Variants in ZNF618 observed in about 807,000 individuals in gnomAD.
The protein encoded by ZNF618 is zinc finger protein 618, also known as neural precursor cell expressed, developmentally down-regulated 10.
A neutral mutation model predicts 103.0 loss-of-function variants in ZNF618; 34 were observed. That is an observed-to-expected ratio of 0.33 (90% CI 0.25 to 0.44). The LOEUF (loss-of-function observed/expected upper bound fraction) is 0.44. ZNF618 is among the 20% of genes least tolerant of loss of function. ZNF618 has a pLI of 1.00. For synonymous variants in ZNF618, 551 were observed against 542.2 expected (o/e 1.02, Z -0.23); for missense variants, 1,059 against 1,295.4 (o/e 0.82, Z 2.80).
intron 1 of ZNF618, among the ~76,000 whole-genome samples, chr9:113,930,371 A>G (rs1006437294): frequency 6.6e-6 from 1 of 152,210 alleles, no homozygotes; most frequent in South Asian, 2.1e-4. Context: ...CAGTTCTACT[A>G]CTTGAATTCC....
At chr9:114,033,262 T>A (rs1844258961) in intron 12 of ZNF618, among the ~76,000 whole-genome samples, 1 of 152,102 alleles carries the variant, frequency 6.6e-6, no homozygotes, top group South Asian at 2.1e-4. Flanking sequence ...ATACAGTAGC[T>A]GTAGTCCCAG....
intron 4 of ZNF618, among the ~76,000 whole-genome samples, chr9:114,000,555 G>A (rs141738263): frequency 4.7e-5 from 7 of 149,088 alleles, no homozygotes; most frequent in Admixed American, 4.0e-4. Context: ...TCTTCTTCCA[G>A]TGTGACCCAG....
chr9:113,919,252 C>T (rs1274792146), intron 1 of ZNF618, among the ~76,000 whole-genome samples: 3 of 152,108 alleles, frequency 2.0e-5, no homozygotes, highest in South Asian at 2.1e-4. Flanking sequence ...ACAGCAGCCG[C>T]GGCAGGGAGA....
At chr9:113,929,924 A>G (rs1238908494) in intron 1 of ZNF618, among the ~76,000 whole-genome samples, 1 of 152,250 alleles carries the variant, frequency 6.6e-6, no homozygotes, top group East Asian at 1.9e-4. Context: ...ATCACATGAC[A>G]TTGTATGAAT....
At chr9:114,036,495 C>T (rs937339180) in intron 13 of ZNF618, 118 bp downstream of exon 13, 4 of 1,084,804 alleles carry the variant, frequency 3.7e-6, no homozygotes, top group Middle Eastern at 2.1e-4. Flanking sequence ...AAAATGGTCA[C>T]AGGACATGGA....
intron 1 of ZNF618, among the ~76,000 whole-genome samples, chr9:113,960,794 G>C (rs814693): frequency 0.06 from 9,166 of 152,268 alleles, 371 homozygotes; most frequent in African/African-American, 0.12. Flanking sequence ...TGCAGCAAAT[G>C]AAAAGGGGAA....
Position 114,016,797 on chromosome 9 carries a change from T to C in ZNF618, c.844+13T>C, listed in dbSNP as rs745461050. ...CACGCCCCCATCAGTGAGTACCTCC[T>C]CCCGGTAGGGATGGGGGTTGGGGGA... On this transcript the variant is annotated intron_variant, in intron 10 of 14. Transcript: ENST00000374126. 9.3e-6 allele frequency: 15 copies of C among 1,604,658 alleles called. No individual in the cohort carries two copies. The East Asian group carries it at 2.9e-4, about 31-fold the overall frequency.
chr9:113,939,876 G>A (rs1834395017), intron 1 of ZNF618, among the ~76,000 whole-genome samples: 1 of 151,980 alleles, frequency 6.6e-6, no homozygotes, highest in Admixed American at 6.6e-5. Context: ...ATGGTAGGAG[G>A]TGGGATTAGC....
chr9:113,919,532 G>C (rs1832447492), intron 1 of ZNF618, among the ~76,000 whole-genome samples: 1 of 152,362 alleles, frequency 6.6e-6, no homozygotes, highest in African/African-American at 2.4e-5. Context: ...GTGCTGGCAG[G>C]CTGTTATGCC....
At chr9:113,883,186 T>C (rs1828694627) in intron 1 of ZNF618, among the ~76,000 whole-genome samples, 1 of 152,204 alleles carries the variant, frequency 6.6e-6, no homozygotes, top group South Asian at 2.1e-4. Flanking sequence ...AATGTTTTAT[T>C]AGGGAGCCCG....
intron 2 of ZNF618, among the ~76,000 whole-genome samples, chr9:113,985,367 TGGCCAGCA>T (rs1839370952): frequency 6.6e-6 from 1 of 152,224 alleles, no homozygotes; most frequent in African/African-American, 2.4e-5. Flanking sequence ...CTTTTCTTGT[TGGCCAGCA>T]GTAGGAATCA....
intron 1 of ZNF618, among the ~76,000 whole-genome samples, chr9:113,936,213 G>T (rs933847038): frequency 3.3e-5 from 5 of 152,126 alleles, no homozygotes; most frequent in African/African-American, 1.2e-4. Context: ...GACAGACCTG[G>T]GTCCAAAACC....
chr9:113,986,452 A>G (rs964963072), intron 2 of ZNF618, among the ~76,000 whole-genome samples: 11 of 152,136 alleles, frequency 7.2e-5, no homozygotes, highest in African/African-American at 2.7e-4. Context: ...ACAGAAATGT[A>G]TTTTCTCACA....
At position 113,952,613 on chromosome 9, in the gene ZNF618, G is replaced by A. The variant is rs565679734; in HGVS notation, c.34-16504G>A. Among the ~76,000 whole-genome samples, 13 of 152,354 alleles carry A rather than the reference G, an allele frequency of 8.5e-5. 1 individual carries two copies. Among genetic ancestry groups the A allele is most frequent in the African/African-American group, 3.1e-4 (13 of 41,580 alleles). On this transcript the variant is annotated intron_variant, in intron 1 of 14. Transcript: ENST00000374126. ...CCAGATAAGCTTGGGTTCAAGTCCA[G>A]GCCCTGCTGCTAACTAGCTGTATGA...
chr9:114,039,827 C>T (rs1313604190), intron 13 of ZNF618, among the ~76,000 whole-genome samples: 3 of 152,174 alleles, frequency 2.0e-5, no homozygotes, highest in African/African-American at 7.2e-5. Flanking sequence ...GCAGATGCCT[C>T]TTTTTCCATC....
chr9:113,970,935 G>A (rs566185632), intron 2 of ZNF618, among the ~76,000 whole-genome samples: 1 of 144,200 alleles, frequency 6.9e-6, no homozygotes, highest in East Asian at 2.0e-4. Context: ...CTCTCAGTAC[G>A]TGTTTATGGG....
chr9:113,979,933 A>C (rs1309029053), intron 2 of ZNF618, among the ~76,000 whole-genome samples: 1 of 152,126 alleles, frequency 6.6e-6, no homozygotes, highest in African/African-American at 2.4e-5. Flanking sequence ...AGGGCAGTGT[A>C]TAGGGGAAAG....
At chr9:113,916,298 C>T (rs2131552895) in intron 1 of ZNF618, among the ~76,000 whole-genome samples, 1 of 152,256 alleles carries the variant, frequency 6.6e-6, no homozygotes, top group South Asian at 2.1e-4. Flanking sequence ...GAAAACGAAA[C>T]AAGCTGATGA....
At position 114,044,329 on chromosome 9, in the gene ZNF618, T is replaced by G. The variant is rs144810672; in HGVS notation, c.1247-3564T>G. Among the ~76,000 whole-genome samples, 890 of 152,282 alleles carry G rather than the reference T, an allele frequency of 5.8e-3. 6 individuals carry two copies. Among genetic ancestry groups the G allele is most frequent in the Non-Finnish European group, 9.1e-3 (621 of 68,002 alleles). On this transcript the variant is annotated intron_variant, in intron 13 of 14. Coordinates refer to ENST00000374126, the MANE Select transcript of ZNF618 (RefSeq NM_001318042.2). ...CCTTTCCCCACTTTATGTTTTTGTT[T>G]GCTTTGTTGAAGATCATTTGGCTGT...
Sources: gnomAD v4.1 joint callset for allele counts (sites outside exome capture counted in the v4.1 genomes callset) on GRCh38, gnomAD v4.1.1 for gene constraint, MANE v1.5 for transcripts, NCBI Gene and HGNC (gene_info 2026-07-23, HGNC 2026-07-21) for gene names.